GALK2: variants seen among roughly 807,000 people sequenced by gnomAD.
GALK2 encodes the protein N-acetylgalactosamine kinase.
GALK2 carries 36 observed loss-of-function variants against 52.4 expected under a neutral mutation model. The ratio of observed to expected loss-of-function variants is 0.69; its 90% CI spans 0.53 to 0.91. GALK2 has a LOEUF of 0.91. GALK2 is among the 40% of genes least tolerant of loss of function. GALK2 has a pLI of 0.00. For synonymous variants in GALK2, 176 were observed against 199.1 expected (o/e 0.88, Z 0.98); for missense variants, 579 against 559.1 (o/e 1.04, Z -0.36).
chr15:49,171,164 C>A (rs1001578387), intron 1 of GALK2, among the ~76,000 whole-genome samples: 4 of 149,918 alleles, frequency 2.7e-5, no homozygotes, highest in African/African-American at 9.9e-5. Flanking sequence ...CTCACCGCAA[C>A]CTCCGCCTCC....
chr15:49,239,555 G>A (rs2090993879), intron 5 of GALK2, among the ~76,000 whole-genome samples, 188 bp downstream of exon 5: 1 of 152,248 alleles, frequency 6.6e-6, no homozygotes. Context: ...CAAACAGTGA[G>A]TGAATAGATC....
At chr15:49,335,362 T>C, downstream of GALK2, 3 of 1,144,810 alleles carry the variant, frequency 2.6e-6, no homozygotes, top group Non-Finnish European at 3.9e-6. Flanking sequence ...TCTCTGATTG[T>C]TTCCAGTTCT....
At chr15:49,225,906 C>G (rs1228915718) in intron 3 of GALK2, among the ~76,000 whole-genome samples, 1 of 152,264 alleles carries the variant, frequency 6.6e-6, no homozygotes, top group Non-Finnish European at 1.5e-5. Context: ...AGCACCCATA[C>G]TGGGCAGTGG....
At chr15:49,312,692 A>T (rs1459601442) in intron 8 of GALK2, among the ~76,000 whole-genome samples, 1 of 152,176 alleles carries the variant, frequency 6.6e-6, no homozygotes, top group Non-Finnish European at 1.5e-5. Flanking sequence ...CTTATTCATT[A>T]TTGGTCCCTA....
chr15:49,344,547 C>T (rs981360675), intron 3 of GALK2, among the ~76,000 whole-genome samples: 2 of 152,088 alleles, frequency 1.3e-5, no homozygotes, highest in South Asian at 2.1e-4. Context: ...AAGAGCCTAG[C>T]GAGGGAGGAC....
chr15:49,319,864 G>GA, intron 9 of GALK2, 59 bp downstream of exon 9: 7 of 1,415,462 alleles, frequency 4.9e-6, no homozygotes, highest in South Asian at 2.5e-5. Flanking sequence ...TAAATTAATG[G>GA]AAAAAAATGC....
intron 3 of GALK2, chr15:49,366,478 G>A (rs762893378): frequency 8.1e-6 from 9 of 1,106,220 alleles, no homozygotes; most frequent in South Asian, 1.2e-5. Context: ...ATAGTGGTGC[G>A]GAAGTCAGAT....
At chr15:49,286,981 A>G (rs1283258713) in intron 7 of GALK2, among the ~76,000 whole-genome samples, 1 of 152,114 alleles carries the variant, frequency 6.6e-6, no homozygotes, top group East Asian at 1.9e-4. Flanking sequence ...TGTTGTGACT[A>G]CTCTCCCAAA....
At chr15:49,260,508 T>G (rs535464141) in intron 5 of GALK2, among the ~76,000 whole-genome samples, 23,319 of 144,650 alleles carry the variant, frequency 0.16, 2,101 homozygotes, top group Non-Finnish European at 0.2. Context: ...TTCTCCCATT[T>G]TGTAGGTTGC....
chr15:49,338,791 A>C (rs1379089974), intron 3 of GALK2, among the ~76,000 whole-genome samples: 5 of 152,084 alleles, frequency 3.3e-5, no homozygotes, highest in Non-Finnish European at 7.4e-5. Context: ...GTCTTTTCAC[A>C]TAGTCCCATA....
chr15:49,300,215 A>G (rs1392086039), intron 8 of GALK2, among the ~76,000 whole-genome samples: 5 of 151,888 alleles, frequency 3.3e-5, no homozygotes, highest in Admixed American at 3.3e-4. Context: ...CTTTTTGATC[A>G]TTGTTAGCTT....
chr15:49,259,139 T>A (rs1406942058), intron 5 of GALK2, among the ~76,000 whole-genome samples: 1 of 151,712 alleles, frequency 6.6e-6, no homozygotes, highest in Non-Finnish European at 1.5e-5. Flanking sequence ...ATAGAGGAGA[T>A]GATCATAGAC....
intron 2 of GALK2, among the ~76,000 whole-genome samples, chr15:49,213,753 T>A (rs1170630028): frequency 6.6e-6 from 1 of 152,198 alleles, no homozygotes; most frequent in Non-Finnish European, 1.5e-5. Flanking sequence ...TTGTTGGTCC[T>A]CTCTTCCTTC....
At chr15:49,214,710 G>T (rs73392230) in intron 2 of GALK2, among the ~76,000 whole-genome samples, 2,629 of 151,994 alleles carry the variant, frequency 0.017, 75 homozygotes, top group African/African-American at 0.061. Context: ...TACTATTTTT[G>T]ATAGGTTTGT....
intron 2 of GALK2, among the ~76,000 whole-genome samples, chr15:49,204,771 T>C (rs1260093826): frequency 3.1e-4 from 47 of 152,168 alleles, no homozygotes; most frequent in Non-Finnish European, 4.4e-5. Flanking sequence ...TTTTTAGTGG[T>C]GATTTGTGAG....
chr15:49,336,725 G>C (rs2039779226), downstream of GALK2, among the ~76,000 whole-genome samples: 1 of 151,532 alleles, frequency 6.6e-6, no homozygotes, highest in South Asian at 2.1e-4. Context: ...TTTTATTTTA[G>C]ATCCAGGGGT....
intron 8 of GALK2, among the ~76,000 whole-genome samples, chr15:49,295,309 TTCTC>T (rs58542204): frequency 8.9e-5 from 13 of 145,670 alleles, no homozygotes; most frequent in East Asian, 4.1e-4. Flanking sequence ...ACAAGCTCAT[TTCTC>T]TCTCTCTCTC....
chr15:49,238,869 T>C (rs1282337780), intron 4 of GALK2, among the ~76,000 whole-genome samples: 1 of 152,204 alleles, frequency 6.6e-6, no homozygotes, highest in Non-Finnish European at 1.5e-5. Flanking sequence ...ACTTGACAAA[T>C]TGGATTATAA....
At chr15:49,164,994 T>C (rs953480023) in intron 1 of GALK2, among the ~76,000 whole-genome samples, 2 of 152,120 alleles carry the variant, frequency 1.3e-5, no homozygotes, top group African/African-American at 4.8e-5. Flanking sequence ...ATTTTTGTAA[T>C]ATATTCATTT....
Sources: allele counts gnomAD v4.1 joint callset (sites outside exome capture counted in the v4.1 genomes callset), GRCh38; gene constraint gnomAD v4.1.1; transcripts MANE v1.5; gene names NCBI Gene and HGNC (gene_info 2026-07-23, HGNC 2026-07-21).